REDIC1: variants seen among roughly 807,000 people sequenced by gnomAD.
REDIC1 encodes HEI10 Interacting Protein 1.
the REDIC1 span, among the ~76,000 whole-genome samples, chr12:39,688,340 T>A: frequency 6.6e-6 from 1 of 152,232 alleles, no homozygotes; most frequent in Non-Finnish European, 1.5e-5. Flanking sequence ...AGGAGGTAAC[T>A]TTTGAGCACA....
the REDIC1 span, among the ~76,000 whole-genome samples, chr12:39,803,184 G>T: frequency 2.5e-4 from 36 of 141,886 alleles, 1 homozygote; most frequent in African/African-American, 9.3e-4. Flanking sequence ...TAGCCCTGTG[G>T]CATCTAAAAG....
the REDIC1 span, among the ~76,000 whole-genome samples, chr12:39,681,421 A>G: frequency 6.6e-6 from 1 of 152,170 alleles, no homozygotes; most frequent in Non-Finnish European, 1.5e-5. Flanking sequence ...ACCACTAAAG[A>G]ACTTGTTCAT....
chr12:39,896,870 C>T, the REDIC1 span, among the ~76,000 whole-genome samples: 2 of 152,078 alleles, frequency 1.3e-5, no homozygotes. Context: ...AATCAAGTTA[C>T]ATGTATAGTG....
At chr12:39,678,436 C>A in the REDIC1 span, among the ~76,000 whole-genome samples, 1 of 151,526 alleles carries the variant, frequency 6.6e-6, no homozygotes, top group African/African-American at 2.4e-5. Context: ...GAGATTGAAA[C>A]AGCATTTTTA....
the REDIC1 span, among the ~76,000 whole-genome samples, chr12:39,840,121 T>C: frequency 6.6e-6 from 1 of 152,042 alleles, no homozygotes; most frequent in Non-Finnish European, 1.5e-5. Flanking sequence ...AACCTCCGCC[T>C]CCTGGGTTTA....
chr12:39,799,609 A>G, the REDIC1 span, among the ~76,000 whole-genome samples: 27 of 152,224 alleles, frequency 1.8e-4, no homozygotes, highest in African/African-American at 6.3e-4. Flanking sequence ...ACCAGGGGTT[A>G]GCTAAAAACC....
chr12:39,650,583 T>C, the REDIC1 span, among the ~76,000 whole-genome samples: 4 of 152,230 alleles, frequency 2.6e-5, no homozygotes, highest in Non-Finnish European at 4.4e-5. This position sits in a 1 kb window ranked among gnomAD's most constrained non-coding sequence, Gnocchi z 4.3. Flanking sequence ...TATTTTTTAT[T>C]TTTTGAAAAG....
At chr12:39,682,885 A>G in the REDIC1 span, 1 of 1,612,912 alleles carries the variant, frequency 6.2e-7, no homozygotes. Flanking sequence ...AACATTTAAC[A>G]AGTGTGATTA....
chr12:39,744,041 G>A, the REDIC1 span, among the ~76,000 whole-genome samples: 1 of 151,920 alleles, frequency 6.6e-6, no homozygotes, highest in Non-Finnish European at 1.5e-5. Context: ...TGGATACCTA[G>A]GCATATCATA....
the REDIC1 span, among the ~76,000 whole-genome samples, chr12:39,647,626 C>T: frequency 6.6e-6 from 1 of 152,188 alleles, no homozygotes; most frequent in Non-Finnish European, 1.5e-5. Context: ...GGTAACCACT[C>T]TCTTCCTAGT....
chr12:39,731,344 G>A, the REDIC1 span, among the ~76,000 whole-genome samples: 5 of 152,268 alleles, frequency 3.3e-5, no homozygotes, highest in East Asian at 9.6e-4. Flanking sequence ...TTTCTGTGTG[G>A]ACATCCTTTT....
the REDIC1 span, among the ~76,000 whole-genome samples, chr12:39,840,742 T>A: frequency 2.0e-5 from 3 of 152,032 alleles, no homozygotes. Context: ...ATTCCATGAT[T>A]TCTTAACAGC....
chr12:39,842,187 T>C, the REDIC1 span, among the ~76,000 whole-genome samples: 1 of 152,006 alleles, frequency 6.6e-6, no homozygotes, highest in Non-Finnish European at 1.5e-5. Flanking sequence ...GGCTGAACAA[T>C]ATAAAGAAAA....
At chr12:39,869,295 ATTGG>A in the REDIC1 span, among the ~76,000 whole-genome samples, 2 of 152,196 alleles carry the variant, frequency 1.3e-5, no homozygotes, top group Non-Finnish European at 2.9e-5. Flanking sequence ...GTAAAGGTCC[ATTGG>A]TCATTATCTT....
At chr12:39,898,712 C>A in the REDIC1 span, among the ~76,000 whole-genome samples, 4 of 152,252 alleles carry the variant, frequency 2.6e-5, no homozygotes, top group South Asian at 8.3e-4. Flanking sequence ...CATTTGACTG[C>A]TCAATCTGGG....
the REDIC1 span, among the ~76,000 whole-genome samples, chr12:39,845,810 AG>A: frequency 6.6e-6 from 1 of 152,108 alleles, no homozygotes; most frequent in Non-Finnish European, 1.5e-5. Flanking sequence ...GAATTAGGGA[AG>A]TGGTGTTGGG....
At chr12:39,637,870 C>T in the REDIC1 span, among the ~76,000 whole-genome samples, 1 of 152,010 alleles carries the variant, frequency 6.6e-6, no homozygotes, top group Non-Finnish European at 1.5e-5. Context: ...AAGCAAACCA[C>T]AAGAAGCAAC....
At chr12:39,751,564 AG>A in the REDIC1 span, among the ~76,000 whole-genome samples, 1 of 152,254 alleles carries the variant, frequency 6.6e-6, no homozygotes, top group Non-Finnish European at 1.5e-5. Flanking sequence ...ATATACCCAA[AG>A]AATTATAAAT....
At chr12:39,897,026 C>T in the REDIC1 span, among the ~76,000 whole-genome samples, 2 of 152,134 alleles carry the variant, frequency 1.3e-5, no homozygotes, top group Admixed American at 1.3e-4. Flanking sequence ...AAGAGACCAA[C>T]AAGTTCTAAC....
Sources: allele counts gnomAD v4.1 joint callset (sites outside exome capture counted in the v4.1 genomes callset), GRCh38; gene constraint gnomAD v4.1.1; non-coding constraint Gnocchi (gnomAD v3.1); transcripts MANE v1.5; gene names NCBI Gene and HGNC (gene_info 2026-07-23, HGNC 2026-07-21).